The following KCNC1 variants were observed in gnomAD, a reference collection of about 807,000 sequenced individuals.
KCNC1 encodes the protein voltage-gated potassium channel KCNC1.
A neutral mutation model predicts 43.4 loss-of-function variants in KCNC1; 8 were observed. The ratio of observed to expected loss-of-function variants is 0.18; its 90% CI spans 0.11 to 0.33. The LOEUF (loss-of-function observed/expected upper bound fraction) is 0.33. Among genes scored for constraint, KCNC1 ranks in the 10% least tolerant of loss-of-function variants. The probability of loss-of-function intolerance (pLI) is 1.00; values close to 1 mark genes in which losing one functional copy is unlikely to be tolerated. For missense variants in KCNC1, 420 were observed against 836.0 expected (o/e 0.50, Z 6.14); for synonymous variants, 361 against 360.5 (o/e 1.00, Z -0.01).
intron 1 of KCNC1, among the ~76,000 whole-genome samples, chr11:17,765,514 A>C (rs2133800045): frequency 6.6e-6 from 1 of 152,322 alleles, no homozygotes; most frequent in East Asian, 1.9e-4. Flanking sequence ...CTTTACAGCC[A>C]ACAGCTTCAC....
At chr11:17,745,767 C>G (rs564490925) in intron 1 of KCNC1, among the ~76,000 whole-genome samples, 29 of 152,306 alleles carry the variant, frequency 1.9e-4, no homozygotes, top group African/African-American at 5.5e-4. Context: ...GCATGCTTTT[C>G]CCTTGGGTAT....
chr11:17,757,425 G>C (rs978432042), intron 1 of KCNC1, among the ~76,000 whole-genome samples: 13 of 152,146 alleles, frequency 8.5e-5, no homozygotes, highest in Non-Finnish European at 1.8e-4. Context: ...GGGCAGACCT[G>C]TGATTGCTGG....
At chr11:17,749,110 C>G (rs1848935882) in intron 1 of KCNC1, among the ~76,000 whole-genome samples, 1 of 152,226 alleles carries the variant, frequency 6.6e-6, no homozygotes, top group African/African-American at 2.4e-5. Flanking sequence ...GCCAGACTGC[C>G]AGGGCCCAAT....
At chr11:17,758,874 C>A (rs368360359) in intron 1 of KCNC1, among the ~76,000 whole-genome samples, 1 of 152,202 alleles carries the variant, frequency 6.6e-6, no homozygotes, top group African/African-American at 2.4e-5. Flanking sequence ...CTGGGACTCA[C>A]AGAGTGGTAA....
chr11:17,763,908 A>AC (rs147562408), intron 1 of KCNC1, among the ~76,000 whole-genome samples: 1 of 114,920 alleles, frequency 8.7e-6, no homozygotes, highest in African/African-American at 3.7e-5. Flanking sequence ...CACAAACCCC[A>AC]CACACCACAC....
At chr11:17,744,789 T>G (rs940190983) in intron 1 of KCNC1, among the ~76,000 whole-genome samples, 4 of 151,824 alleles carry the variant, frequency 2.6e-5, no homozygotes, top group Non-Finnish European at 5.9e-5. Flanking sequence ...CTATGGGGGA[T>G]GGAGGGGTGG....
chr11:17,756,216 C>T (rs1849019877), intron 1 of KCNC1, among the ~76,000 whole-genome samples: 1 of 152,176 alleles, frequency 6.6e-6, no homozygotes. Context: ...CTGGAAGCCA[C>T]TCTAACCTCA....
intron 1 of KCNC1, among the ~76,000 whole-genome samples, chr11:17,747,700 A>G (rs1460048808): frequency 1.3e-5 from 2 of 152,218 alleles, no homozygotes; most frequent in Non-Finnish European, 2.9e-5. Flanking sequence ...CTCAGGAACC[A>G]GCCTCGCTGG....
intron 1 of KCNC1, among the ~76,000 whole-genome samples, chr11:17,766,500 G>C (rs1302486455): frequency 2.0e-5 from 3 of 152,134 alleles, no homozygotes; most frequent in Non-Finnish European, 2.9e-5. Flanking sequence ...GACAGCCCAG[G>C]GTTGTCACAT....
rs1039962752 is a variant in KCNC1 at position 17,746,220 on chromosome 11, G to A, written c.570+9648G>A. Among the ~76,000 whole-genome samples the A allele has an allele frequency of 3.3e-5, 5 of 152,276 alleles. No homozygotes were observed. In the East Asian group the frequency reaches 7.7e-4, roughly 24 times the overall value. Reference sequence around the variant, plus strand: ...AATAACAGGCAAAGGCTGGGGCAGCGCTAGTAGGGGGTCCAAACCCCAATC... The same window carrying A: ...AATAACAGGCAAAGGCTGGGGCAGCACTAGTAGGGGGTCCAAACCCCAATC... On this transcript the variant is annotated intron_variant, in intron 1 of 3. Transcript: ENST00000265969.
chr11:17,754,578 A>G (rs569399379), intron 1 of KCNC1, among the ~76,000 whole-genome samples: 1 of 152,342 alleles, frequency 6.6e-6, no homozygotes, highest in South Asian at 2.1e-4. Flanking sequence ...AAGTGGACAT[A>G]GGACCCATGT....
chr11:17,737,682 G>A (rs1848784486), intron 1 of KCNC1, among the ~76,000 whole-genome samples: 2 of 152,202 alleles, frequency 1.3e-5, no homozygotes, highest in African/African-American at 4.8e-5. Context: ...GGCCTAAAGA[G>A]AGACCCTAAG....
At chr11:17,749,066 G>A (rs1035578790) in intron 1 of KCNC1, among the ~76,000 whole-genome samples, 1 of 152,220 alleles carries the variant, frequency 6.6e-6, no homozygotes, top group Admixed American at 6.5e-5. Context: ...GCCGGGAGAA[G>A]ATGGCTAGTG....
intron 2 of KCNC1, chr11:17,775,281 T>TTCCCACCCC: frequency 5.3e-6 from 5 of 935,806 alleles, no homozygotes; most frequent in Non-Finnish European, 3.8e-6. Context: ...TCTGAGGGCA[T>TTCCCACCCC]CCCTCCCGCC....
chr11:17,759,308 G>A (rs1210682423), intron 1 of KCNC1, among the ~76,000 whole-genome samples: 1 of 152,220 alleles, frequency 6.6e-6, no homozygotes, highest in Non-Finnish European at 1.5e-5. Context: ...TTTGGCTTAA[G>A]GGAATGTTGT....
intron 1 of KCNC1, among the ~76,000 whole-genome samples, chr11:17,763,906 C>CCACACATG (rs1849112933): frequency 1.3e-5 from 1 of 75,566 alleles, no homozygotes; most frequent in Non-Finnish European, 3.0e-5. Flanking sequence ...CACACAAACC[C>CCACACATG]CACACACCAC....
chr11:17,758,986 T>C (rs945821008), intron 1 of KCNC1, among the ~76,000 whole-genome samples: 2 of 152,230 alleles, frequency 1.3e-5, no homozygotes, highest in Non-Finnish European at 2.9e-5. Flanking sequence ...ACTTCTTCTC[T>C]CTAGCTATGA....
At chr11:17,763,799 A>G (rs1281512457) in intron 1 of KCNC1, among the ~76,000 whole-genome samples, 1 of 126,884 alleles carries the variant, frequency 7.9e-6, no homozygotes, top group Non-Finnish European at 1.6e-5. Flanking sequence ...CAATACACAC[A>G]CACACAGACC....
In KCNC1 at chr11:17,777,443, C is replaced by T. The variant is rs1849299240; in HGVS notation, c.1505-2013C>T. 1.0e-6 allele frequency: 1 copy of T among 985,956 alleles called. No individual in the cohort carries two copies. The highest frequency in any genetic ancestry group is 1.2e-6 in the Non-Finnish European group (1 of 829,984). 61.1% of individuals were successfully genotyped at this position (985,956 alleles called of 1,614,324 possible). A position where few individuals can be genotyped will look rare whatever the true frequency, so the allele number is the denominator to read the frequency against. The stretch of plus-strand genomic sequence containing the variant: ...CTATGGGCCTCAACCCCCACATCGT[C>T]ATCCGCGTCCTCTCCATACTGTTTC... On this transcript the variant is annotated intron_variant, in intron 2 of 3. Coordinates refer to ENST00000265969, the MANE Select transcript of KCNC1 (RefSeq NM_001112741.2). This position sits in a 1 kb window ranked among gnomAD's most constrained non-coding sequence, Gnocchi z 4.3.
Sources: gnomAD v4.1 joint callset for allele counts (sites outside exome capture counted in the v4.1 genomes callset) on GRCh38, gnomAD v4.1.1 for gene constraint, Gnocchi (gnomAD v3.1) non-coding constraint, MANE v1.5 for transcripts, NCBI Gene and HGNC (gene_info 2026-07-23, HGNC 2026-07-21) for gene names.